The following NUDCD1 variants were observed in gnomAD, a reference collection of about 807,000 sequenced individuals.
NUDCD1 encodes nudC domain-containing protein 1.
In NUDCD1, 60 loss-of-function variants were observed where a neutral mutation model predicts 67.8. That is an observed-to-expected ratio of 0.88 (90% CI 0.72 to 1.10). The LOEUF (loss-of-function observed/expected upper bound fraction) is 1.10, where lower values mean the gene tolerates loss of function less well. Among genes scored for constraint, NUDCD1 ranks in the 50% least tolerant of loss-of-function variants. The probability of loss-of-function intolerance (pLI) is 0.00; values close to 1 mark genes in which losing one functional copy is unlikely to be tolerated. For missense variants in NUDCD1, 643 were observed against 695.0 expected (o/e 0.93, Z 0.84); for synonymous variants, 244 against 230.8 (o/e 1.06, Z -0.52).
chr8:109,263,571 G>A (rs879679892), intron 8 of NUDCD1, among the ~76,000 whole-genome samples: 1 of 152,094 alleles, frequency 6.6e-6, no homozygotes, highest in Non-Finnish European at 1.5e-5. Context: ...CTGTAAATGG[G>A]GTAAAATCTC....
At chr8:109,325,336 C>A (rs1051199451) in intron 1 of NUDCD1, among the ~76,000 whole-genome samples, 1 of 151,968 alleles carries the variant, frequency 6.6e-6, no homozygotes, top group Admixed American at 6.5e-5. Context: ...ACAGCGAGTA[C>A]CAAAATAGCT....
intron 8 of NUDCD1, among the ~76,000 whole-genome samples, chr8:109,260,125 T>C (rs555927735): frequency 7.3e-4 from 111 of 152,314 alleles, no homozygotes; most frequent in Non-Finnish European, 1.2e-3. Context: ...AAATAAGCAA[T>C]ATTAACCAAA....
In NUDCD1 at chr8:109,242,568, AC is replaced by A. The variant is rs1813390688; in HGVS notation, c.*440del. 1 of 163,860 alleles carries A rather than the reference AC, an allele frequency of 6.1e-6. No individual in the cohort carries two copies. Among genetic ancestry groups the A allele is most frequent in the Non-Finnish European group, 1.3e-5 (1 of 76,016 alleles). The allele number at this position is 163,860 out of a possible 1,614,324, so 10.2% of individuals were successfully genotyped here. Reference sequence around the variant, plus strand: ...CTCTAGCATTTCCTCCTCCATGTAGACTCAGTTATTCAATCCACTTAAATAC... The same window carrying A: ...CTCTAGCATTTCCTCCTCCATGTAGATCAGTTATTCAATCCACTTAAATAC... On this transcript the variant is annotated 3_prime_UTR_variant, in exon 10 of 10. Transcript: ENST00000239690.
In NUDCD1 at chr8:109,293,354, C is replaced by T; in HGVS notation, c.630G>A (p.Lys210=). The change falls in exon 4 of 10, where the codon AAG becomes AAA. Residue 210 remains lysine (K), a synonymous_variant. Coordinates refer to ENST00000239690, the MANE Select transcript of NUDCD1 (RefSeq NM_032869.4). ...AGACTTTTGTTTTACCTTGATTTTT[C>T]TTACTGATAGTGACCCACTCCAGAG... The part of the protein sequence containing the change: ...YVSLEWVTIS[K]KNQDNKKYEI... The T allele has an allele frequency of 6.5e-7, 1 of 1,541,544 alleles. No homozygotes were observed. The highest frequency in any genetic ancestry group is 8.7e-7 in the Non-Finnish European group (1 of 1,146,300).
At chr8:109,328,747 G>A (rs1309740413) in intron 1 of NUDCD1, among the ~76,000 whole-genome samples, 1 of 152,082 alleles carries the variant, frequency 6.6e-6, no homozygotes, top group African/African-American at 2.4e-5. Context: ...GAATTAATCT[G>A]TTTCCAAGTA....
rs1813363004 is a variant in NUDCD1, at chr8:109,241,451, T to TA, written c.*1557dup. The TA allele has an allele frequency of 6.6e-6, 1 of 152,144 alleles. No individual in the cohort carries two copies. Among genetic ancestry groups the TA allele is most frequent in the Admixed American group, 6.6e-5 (1 of 15,260 alleles). 9.4% of individuals were successfully genotyped at this position (152,144 alleles called of 1,614,324 possible). A position where few individuals can be genotyped will look rare whatever the true frequency, so the allele number is the denominator to read the frequency against. ...GTTTCATGAAGTTTTACAACAATAC[T>TA]AAAAAGTTCTGGAAATATCACTGTT... On this transcript the variant is annotated 3_prime_UTR_variant, in exon 10 of 10. Transcript: ENST00000239690.
At chr8:109,247,932 TAA>T (rs35058068) in intron 8 of NUDCD1, among the ~76,000 whole-genome samples, 54,670 of 151,940 alleles carry the variant, frequency 0.36, 10,642 homozygotes, top group South Asian at 0.5. Context: ...AACCTGTGAA[TAA>T]GTTACCTTAT....
rs1220877850 is a variant in NUDCD1 at position 109,242,156 on chromosome 8, T to C, written c.*853A>G. The C allele has an allele frequency of 7.5e-6, 3 of 397,918 alleles. No homozygotes were observed. The highest frequency in any genetic ancestry group is 2.1e-5 in the African/African-American group (1 of 48,592). 24.6% of individuals were successfully genotyped at this position (397,918 alleles called of 1,614,324 possible). On this transcript the variant is annotated 3_prime_UTR_variant, in exon 10 of 10. Coordinates refer to ENST00000239690, the MANE Select transcript of NUDCD1 (RefSeq NM_032869.4). ...TAGTCCCCTCATTCTGACTCTAGAC[T>C]TGGCCATGTGATTTGCTTTGTCCAA...
intron 5 of NUDCD1, among the ~76,000 whole-genome samples, chr8:109,281,926 AG>A (rs1814447654): frequency 6.6e-6 from 1 of 152,092 alleles, no homozygotes; most frequent in African/African-American, 2.4e-5. Context: ...TTTCATACAG[AG>A]GGGCCCTCCC....
Position 109,245,341 on chromosome 8 carries a change from G to C in NUDCD1, c.1440C>G (p.Ile480Met), listed in dbSNP as rs1167724560. ...SSKQDDMWEH[I>M]ATFNALGYVQ... ...TTATACCTAAAGCATTGAAAGTTGC[G>C]ATGTGCTCCCACATATCATCTTGTT... is the stretch of plus-strand genomic sequence containing the variant. The change falls in exon 9 of 10, where the codon ATC (isoleucine) becomes ATG (methionine). Residue 480 changes from isoleucine to methionine, a missense_variant. By Grantham distance (10) the Ile-to-Met change is conservative. Transcript: ENST00000239690. 28 of 1,613,236 alleles carry C rather than the reference G, an allele frequency of 1.7e-5. No homozygotes were observed. Among genetic ancestry groups the C allele is most frequent in the Non-Finnish European group, 2.1e-5 (25 of 1,179,688 alleles).
At chr8:109,310,589 A>C (rs1815219261) in intron 2 of NUDCD1, among the ~76,000 whole-genome samples, 1 of 152,252 alleles carries the variant, frequency 6.6e-6, no homozygotes, top group South Asian at 2.1e-4. Context: ...ACCCAAAAAC[A>C]AATGAGATTA....
chr8:109,329,737 G>A, intron 1 of NUDCD1: 1 of 1,365,886 alleles, frequency 7.3e-7, no homozygotes. Flanking sequence ...TTTTAAATTT[G>A]TAGTTTATTG....
chr8:109,262,370 T>A (rs1006690097), intron 8 of NUDCD1, among the ~76,000 whole-genome samples: 2 of 152,186 alleles, frequency 1.3e-5, no homozygotes, highest in Non-Finnish European at 2.9e-5. Context: ...AGAAAGCTGT[T>A]GTAAAAGTAT....
Position 109,243,132 on chromosome 8 carries a change from A to G in NUDCD1, c.1629T>C (p.Ala543=), listed in dbSNP as rs1369572293. The G allele has an allele frequency of 1.9e-6, 3 of 1,613,818 alleles. No homozygotes were observed. Among genetic ancestry groups the G allele is most frequent in the Non-Finnish European group, 2.5e-6 (3 of 1,179,840 alleles). The change falls in exon 10 of 10, where the codon GCT becomes GCC. Residue 543 remains alanine (A), a synonymous_variant. Coordinates refer to ENST00000239690, the MANE Select transcript of NUDCD1 (RefSeq NM_032869.4). The part of the protein sequence containing the change: ...RKEGRQVGQV[A]KQQVASLETN... ...TTTCTAGGCTTGCTACTTGCTGCTT[A>G]GCAACCTGTCCTACTTGCCTGCCTT...
chr8:109,313,848 TG>T, intron 2 of NUDCD1: 1 of 1,105,772 alleles, frequency 9.0e-7, no homozygotes, highest in Non-Finnish European at 1.2e-6. Flanking sequence ...ATCAGATAAA[TG>T]GGTACAATAT....
Position 109,275,435 on chromosome 8 carries a change from C to A in NUDCD1, c.1090G>T (p.Asp364Tyr). 6.2e-7 allele frequency: 1 copy of A among 1,613,714 alleles called. No homozygotes were observed. Residue 364 changes from aspartate to tyrosine, a missense_variant, in exon 7 of 10, where the codon GAT (aspartate) becomes TAT (tyrosine). Asp to Tyr is a radical substitution (Grantham distance 160). Coordinates refer to ENST00000239690, the MANE Select transcript of NUDCD1 (RefSeq NM_032869.4). ...TCTCTTATAAGTTCCCCTTGTTTAT[C>A]TCCAATTACTAGCTCTGGCCAGGTC... is the stretch of plus-strand genomic sequence containing the variant. ...GLTWPELVIG[D>Y]KQGELIRDSA...
At chr8:109,291,688 A>C (rs1182013163) in intron 4 of NUDCD1, among the ~76,000 whole-genome samples, 1 of 152,192 alleles carries the variant, frequency 6.6e-6, no homozygotes, top group Non-Finnish European at 1.5e-5. Context: ...GGGAACAATA[A>C]AGAGAATTAA....
chr8:109,279,551 T>A (rs1054285231), intron 6 of NUDCD1, among the ~76,000 whole-genome samples: 1 of 152,236 alleles, frequency 6.6e-6, no homozygotes, highest in African/African-American at 2.4e-5. Flanking sequence ...TACCTTTTTG[T>A]TCTCTTAATG....
intron 1 of NUDCD1, chr8:109,329,848 A>G: frequency 6.4e-7 from 1 of 1,550,542 alleles, no homozygotes; most frequent in South Asian, 1.2e-5. Flanking sequence ...AAAACGATGG[A>G]CATGGGACCC....
Sources: gnomAD v4.1 joint callset for allele counts (sites outside exome capture counted in the v4.1 genomes callset) on GRCh38, gnomAD v4.1.1 for gene constraint, MANE v1.5 for transcripts, NCBI Gene and HGNC (gene_info 2026-07-23, HGNC 2026-07-21) for gene names.